PELI2: variants seen among roughly 807,000 people sequenced by gnomAD.
The protein encoded by PELI2 is E3 ubiquitin-protein ligase pellino homolog 2.
PELI2 carries 23 observed loss-of-function variants against 42.3 expected under a neutral mutation model. That is an observed-to-expected ratio of 0.54 (90% CI 0.39 to 0.77). The LOEUF (loss-of-function observed/expected upper bound fraction) is 0.77, where lower values mean the gene tolerates loss of function less well. Ranked by LOEUF, PELI2 falls within the 30% of genes least tolerant of loss-of-function variation. PELI2 has a pLI of 0.00. For missense variants in PELI2, 463 were observed against 553.2 expected, an observed-to-expected ratio of 0.84 and a Z score of 1.64; for synonymous variants, 245 against 212.2, an observed-to-expected ratio of 1.15 and a Z score of -1.34.
intron 1 of PELI2, among the ~76,000 whole-genome samples, chr14:56,168,007 C>T (rs548687030): frequency 6.6e-6 from 1 of 152,316 alleles, no homozygotes; most frequent in Admixed American, 6.5e-5. Flanking sequence ...TCTTCTCTTA[C>T]TTTCTCCCAG....
intron 1 of PELI2, among the ~76,000 whole-genome samples, chr14:56,137,090 T>C (rs1210838054): frequency 1.3e-5 from 2 of 152,348 alleles, no homozygotes; most frequent in East Asian, 3.9e-4. Flanking sequence ...TAGAAACCTG[T>C]ACTGCATAAG....
At chr14:56,259,148 G>A (rs7144017) in intron 2 of PELI2, among the ~76,000 whole-genome samples, 29,559 of 151,866 alleles carry the variant, frequency 0.19, 3,040 homozygotes, top group South Asian at 0.35. Flanking sequence ...TGAAAGAGAA[G>A]TAAAGACTTT....
rs1482572153 is a variant in PELI2, at chr14:56,273,702, G to A, written c.208-5974G>A. 1.3e-5 allele frequency among the ~76,000 whole-genome samples: 2 copies of A among 152,198 alleles called. No homozygotes were observed. The highest frequency in any genetic ancestry group is 4.8e-5 in the African/African-American group (2 of 41,450). On this transcript the variant is annotated intron_variant, in intron 2 of 5. Coordinates refer to ENST00000267460, the MANE Select transcript of PELI2 (RefSeq NM_021255.3). The surrounding 1 kb of genome is among the most constrained non-coding windows in gnomAD (Gnocchi z 4.3). ...ATGTGAACAACAGTGGCAAGAGAGG[G>A]CTCAGGGGTGACATGAAGTTTTTAA... is the stretch of plus-strand genomic sequence containing the variant.
intron 2 of PELI2, among the ~76,000 whole-genome samples, chr14:56,272,353 G>A (rs981500697): frequency 1.3e-5 from 2 of 152,184 alleles, no homozygotes; most frequent in Admixed American, 6.5e-5. Context: ...ATGTATGTGC[G>A]TGCATGCATA....
chr14:56,178,052 C>G (rs77584279), intron 1 of PELI2, among the ~76,000 whole-genome samples: 1 of 152,092 alleles, frequency 6.6e-6, no homozygotes, highest in African/African-American at 2.4e-5. Context: ...TACTCATTTG[C>G]TTATTTATAC....
At position 56,297,132 on chromosome 14, in the gene PELI2, G is replaced by A. The variant is rs778140643; in HGVS notation, c.1229G>A (p.Cys410Tyr). ...CATQLVGEQN[C>Y]IKLIFQGPID ...ACACAGCTGGTTGGGGAGCAAAACT[G>A]CATCAAATTAATTTTCCAAGGTCCA... The change falls in exon 6 of 6, where the codon TGC becomes TAC. Residue 410 changes from cysteine to tyrosine, a missense_variant. Transcript: ENST00000267460. 18 of 1,602,556 alleles carry A rather than the reference G, an allele frequency of 1.1e-5. No homozygotes were observed. Among genetic ancestry groups the A allele is most frequent in the Non-Finnish European group, 8.5e-7 (1 of 1,179,658 alleles).
intron 1 of PELI2, among the ~76,000 whole-genome samples, chr14:56,122,414 C>G (rs889261377): frequency 1.3e-5 from 2 of 152,132 alleles, no homozygotes; most frequent in Admixed American, 1.3e-4. Context: ...CCTACTCTAC[C>G]CTTTCCTCAC....
chr14:56,173,001 C>T (rs242405), intron 1 of PELI2, among the ~76,000 whole-genome samples: 127,048 of 152,152 alleles, frequency 0.84, 53,605 homozygotes, highest in African/African-American at 0.96. Context: ...CTTTCCTTGC[C>T]TCCTTATTCT....
rs932862174 is a variant in PELI2, at chr14:56,180,181, G to C, written c.207+1717G>C. On this transcript the variant is annotated intron_variant, in intron 2 of 5. Coordinates refer to ENST00000267460, the MANE Select transcript of PELI2 (RefSeq NM_021255.3). The surrounding 1 kb of genome is among the most constrained non-coding windows in gnomAD (Gnocchi z 4.4). ...TAAAAGTAGGGCAGATTGGGTTTAG[G>C]TCTTGACCCTCTGTATTTTATAATC... Among the ~76,000 whole-genome samples, 2 of 152,092 alleles carry C rather than the reference G, an allele frequency of 1.3e-5. No homozygotes were observed. Among genetic ancestry groups the C allele is most frequent in the African/African-American group, 4.8e-5 (2 of 41,406 alleles).
At chr14:56,253,247 C>G (rs1187702060) in intron 2 of PELI2, among the ~76,000 whole-genome samples, 1 of 152,162 alleles carries the variant, frequency 6.6e-6, no homozygotes, top group Non-Finnish European at 1.5e-5. Context: ...CAATATCACA[C>G]TGAATGGGCC....
At chr14:56,240,712 G>C (rs1028153284) in intron 2 of PELI2, among the ~76,000 whole-genome samples, 1 of 152,076 alleles carries the variant, frequency 6.6e-6, no homozygotes, top group African/African-American at 2.4e-5. Context: ...AGGGGACTAG[G>C]GGGTAAAGAG....
intron 4 of PELI2, among the ~76,000 whole-genome samples, chr14:56,289,737 A>G (rs1431186718): frequency 6.6e-6 from 1 of 152,178 alleles, no homozygotes; most frequent in South Asian, 2.1e-4. Context: ...TACATGCGCC[A>G]TCTACCTTTG....
chr14:56,124,799 G>A (rs999911254), intron 1 of PELI2, among the ~76,000 whole-genome samples: 1 of 152,162 alleles, frequency 6.6e-6, no homozygotes, highest in African/African-American at 2.4e-5. Flanking sequence ...TTCCGAAGAA[G>A]GTTTGGAGTA....
chr14:56,257,584 T>C (rs1888567991), intron 2 of PELI2, among the ~76,000 whole-genome samples: 1 of 152,188 alleles, frequency 6.6e-6, no homozygotes, highest in Non-Finnish European at 1.5e-5. Flanking sequence ...CTAAAATGTA[T>C]GCGAAAAAGA....
chr14:56,238,408 A>C (rs575048053), intron 2 of PELI2, among the ~76,000 whole-genome samples: 12 of 152,190 alleles, frequency 7.9e-5, no homozygotes, highest in Non-Finnish European at 1.3e-4. Context: ...CCAGTAATAC[A>C]TCCAAAAAAT....
chr14:56,224,398 G>A (rs11625060), intron 2 of PELI2, among the ~76,000 whole-genome samples: 60,827 of 152,098 alleles, frequency 0.4, 13,029 homozygotes, highest in South Asian at 0.53. Context: ...TAATAAGTTG[G>A]AATCTTCTCA....
Position 56,214,211 on chromosome 14 carries a change from A to G in PELI2, c.207+35747A>G, listed in dbSNP as rs138284260. On this transcript the variant is annotated intron_variant, in intron 2 of 5. Transcript: ENST00000267460. ...TTTGTCCTAATGTCACTACAGTATA[A>G]TTCCCATCTTGGAGGGGTGAGCATC... Among the ~76,000 whole-genome samples, 3 of 152,216 alleles carry G rather than the reference A, an allele frequency of 2.0e-5. No individual in the cohort carries two copies. In the East Asian group the frequency reaches 5.8e-4, roughly 29 times the overall value.
At chr14:56,271,221 C>T (rs142436722) in intron 2 of PELI2, among the ~76,000 whole-genome samples, 1 of 152,294 alleles carries the variant, frequency 6.6e-6, no homozygotes, top group African/African-American at 2.4e-5. Context: ...GGCTGCCGCA[C>T]GCTCGCTGTA....
rs60746963 is a variant in PELI2 at position 56,282,552 on chromosome 14, T to G, written c.309+2775T>G. On this transcript the variant is annotated intron_variant, in intron 3 of 5. Coordinates refer to ENST00000267460, the MANE Select transcript of PELI2 (RefSeq NM_021255.3). The stretch of plus-strand genomic sequence containing the variant: ...CAGGGAGATATTTTACACTTTTCGA[T>G]TTTTGGAACTATGCGTATGTGTTAG... Among the ~76,000 whole-genome samples, 9 of 152,112 alleles carry G rather than the reference T, an allele frequency of 5.9e-5. No individual in the cohort carries two copies. The East Asian group carries it at 1.7e-3, about 29-fold the overall frequency.
Sources: gnomAD v4.1 joint callset for allele counts (sites outside exome capture counted in the v4.1 genomes callset) on GRCh38, gnomAD v4.1.1 for gene constraint, Gnocchi (gnomAD v3.1) non-coding constraint, MANE v1.5 for transcripts, NCBI Gene and HGNC (gene_info 2026-07-23, HGNC 2026-07-21) for gene names.